Variants in SPAG16 observed in about 807,000 individuals in gnomAD.
The protein encoded by SPAG16 is sperm associated antigen 16.
In SPAG16, 86 loss-of-function variants were observed where a neutral mutation model predicts 80.4. The observed-to-expected ratio is 1.07, with a 90% confidence interval of 0.90 to 1.28. The LOEUF (loss-of-function observed/expected upper bound fraction) is 1.28, where lower values mean the gene tolerates loss of function less well. Among genes scored for constraint, SPAG16 ranks in the 50% most tolerant of loss-of-function variants. The pLI, the probability that SPAG16 is intolerant of heterozygous loss-of-function variation, is 0.00. For missense variants in SPAG16, 870 were observed against 765.3 expected (o/e 1.14, Z -1.61); for synonymous variants, 294 against 265.9 (o/e 1.11, Z -1.03).
intron 5 of SPAG16, among the ~76,000 whole-genome samples, chr2:213,326,966 T>C (rs1298246302): frequency 6.6e-6 from 1 of 152,042 alleles, no homozygotes; most frequent in Non-Finnish European, 1.5e-5. Context: ...AGAATATCTG[T>C]ACCTTAATAT....
At chr2:213,808,543 G>T (rs2071917998) in intron 10 of SPAG16, among the ~76,000 whole-genome samples, 1 of 152,112 alleles carries the variant, frequency 6.6e-6, no homozygotes, top group Non-Finnish European at 1.5e-5. Context: ...TTTGGCTGTT[G>T]TATGGACCAT....
rs146555785 is a variant in SPAG16 at position 213,926,020 on chromosome 2, A to G, written c.1215-3940A>G. Reference sequence around the variant, plus strand: ...TTGGTATACATTTTTCTTTCCAAACATGTGGTTCTAGGTCTTAAATTTTCT... The same window carrying G: ...TTGGTATACATTTTTCTTTCCAAACGTGTGGTTCTAGGTCTTAAATTTTCT... On this transcript the variant is annotated intron_variant, in intron 11 of 15. Transcript: ENST00000331683. 5.1e-4 allele frequency among the ~76,000 whole-genome samples: 78 copies of G among 152,192 alleles called. 1 individual carries two copies. Among genetic ancestry groups the G allele is most frequent in the African/African-American group, 1.8e-3 (76 of 41,538 alleles).
At chr2:214,046,231 C>T (rs1366378455) in intron 13 of SPAG16, among the ~76,000 whole-genome samples, 1 of 152,000 alleles carries the variant, frequency 6.6e-6, no homozygotes, top group Non-Finnish European at 1.5e-5. Flanking sequence ...CAAAGAAAGT[C>T]CAGGACTCAA....
intron 10 of SPAG16, among the ~76,000 whole-genome samples, chr2:213,621,347 G>A (rs1233591341): frequency 6.6e-6 from 1 of 152,064 alleles, no homozygotes; most frequent in Non-Finnish European, 1.5e-5. Flanking sequence ...CTCATGAAAA[G>A]ATAAGTAACA....
At chr2:214,279,112 T>G (rs1692695642) in intron 15 of SPAG16, among the ~76,000 whole-genome samples, 1 of 151,692 alleles carries the variant, frequency 6.6e-6, no homozygotes, top group Non-Finnish European at 1.5e-5. Context: ...GCTTTTTTTT[T>G]TTTTTTTTTG....
intron 10 of SPAG16, among the ~76,000 whole-genome samples, chr2:213,676,449 C>T (rs2064081397): frequency 6.7e-6 from 1 of 149,568 alleles, no homozygotes; most frequent in South Asian, 2.1e-4. Context: ...GAGGGCATCC[C>T]TGTCTTGTGC....
chr2:213,363,571 A>C (rs2066114792), intron 7 of SPAG16, among the ~76,000 whole-genome samples: 1 of 152,112 alleles, frequency 6.6e-6, no homozygotes. Context: ...CATGACACCA[A>C]AGCTAACAAA....
chr2:213,443,013 A>G (rs1389432931), intron 9 of SPAG16, among the ~76,000 whole-genome samples: 1 of 152,206 alleles, frequency 6.6e-6, no homozygotes, highest in East Asian at 1.9e-4. Context: ...CTGATAAAGG[A>G]CCATTATACA....
intron 10 of SPAG16, among the ~76,000 whole-genome samples, chr2:213,832,778 T>C (rs560520820): frequency 3.9e-5 from 6 of 152,276 alleles, no homozygotes; most frequent in Admixed American, 6.5e-5. Context: ...ACAGTTTTCT[T>C]TGGGCCTTTG....
chr2:214,174,144 G>A (rs1048092884), intron 15 of SPAG16, among the ~76,000 whole-genome samples: 84 of 151,984 alleles, frequency 5.5e-4, no homozygotes, highest in Non-Finnish European at 9.9e-4. Context: ...GCAAAAACTG[G>A]AAGCATTCCC....
At chr2:213,808,443 A>T (rs1392259317) in intron 10 of SPAG16, among the ~76,000 whole-genome samples, 5 of 152,152 alleles carry the variant, frequency 3.3e-5, no homozygotes, top group Non-Finnish European at 2.9e-5. Context: ...GTTATCAGAG[A>T]CCGGGGGTAT....
intron 15 of SPAG16, among the ~76,000 whole-genome samples, chr2:214,378,861 A>G (rs187506822): frequency 6.2e-4 from 95 of 152,316 alleles, no homozygotes; most frequent in African/African-American, 2.0e-3. Flanking sequence ...TTACTTGGCA[A>G]TGTTTCCCCT....
chr2:213,898,603 T>C (rs1437973836), intron 11 of SPAG16, among the ~76,000 whole-genome samples: 1 of 152,184 alleles, frequency 6.6e-6, no homozygotes, highest in African/African-American at 2.4e-5. Flanking sequence ...AAAATCTTTG[T>C]CAGAAAATTC....
At chr2:214,366,576 T>A (rs954627969) in intron 15 of SPAG16, among the ~76,000 whole-genome samples, 2 of 152,190 alleles carry the variant, frequency 1.3e-5, no homozygotes, top group African/African-American at 4.8e-5. Context: ...TAGATAACTC[T>A]GGGGATTTTG....
chr2:214,124,544 A>C (rs959031667), intron 14 of SPAG16, among the ~76,000 whole-genome samples: 3 of 151,890 alleles, frequency 2.0e-5, no homozygotes, highest in Non-Finnish European at 2.9e-5. Flanking sequence ...CTAATGCATG[A>C]AACATTGTTT....
chr2:213,862,013 C>T (rs1158737783), intron 10 of SPAG16, among the ~76,000 whole-genome samples: 1 of 152,082 alleles, frequency 6.6e-6, no homozygotes, highest in African/African-American at 2.4e-5. Context: ...GTATTTATTA[C>T]AGAACTATGA....
chr2:213,980,264 T>C (rs1267242709), intron 12 of SPAG16, among the ~76,000 whole-genome samples: 1,510 of 56,052 alleles, frequency 0.027, 269 homozygotes, highest in South Asian at 0.073. Context: ...TGTGTGTATA[T>C]ATATTCTCTA....
chr2:213,863,455 TA>T (rs1291404122), intron 11 of SPAG16, among the ~76,000 whole-genome samples: 6 of 152,224 alleles, frequency 3.9e-5, no homozygotes, highest in East Asian at 1.9e-4. Context: ...TGAAATTAGA[TA>T]AAAAAATTTT....
At chr2:213,402,303 G>T (rs987347362) in intron 9 of SPAG16, among the ~76,000 whole-genome samples, 2 of 151,818 alleles carry the variant, frequency 1.3e-5, no homozygotes, top group African/African-American at 4.8e-5. Flanking sequence ...TCCTTTCAGA[G>T]ATGCAATTAG....
Sources: gnomAD v4.1 joint callset for allele counts (sites outside exome capture counted in the v4.1 genomes callset) on GRCh38, gnomAD v4.1.1 for gene constraint, MANE v1.5 for transcripts, NCBI Gene and HGNC (gene_info 2026-07-23, HGNC 2026-07-21) for gene names.